Variants in TMEM117 observed in about 807,000 individuals in gnomAD.
TMEM117 encodes the protein transmembrane protein 117.
TMEM117 carries 27 observed loss-of-function variants against 52.4 expected under a neutral mutation model. The observed-to-expected ratio is 0.51, with a 90% CI of 0.38 to 0.71. TMEM117 has a LOEUF of 0.71. Ranked by LOEUF, TMEM117 falls within the 30% of genes least tolerant of loss-of-function variation. The pLI is 0.00. For missense variants in TMEM117, 556 were observed against 630.5 expected (o/e 0.88, Z 1.26); for synonymous variants, 215 against 206.3 (o/e 1.04, Z -0.36).
intron 3 of TMEM117, among the ~76,000 whole-genome samples, chr12:44,020,024 A>G (rs949863147): frequency 6.6e-6 from 1 of 152,206 alleles, no homozygotes; most frequent in African/African-American, 2.4e-5. Flanking sequence ...TAGCATAGGG[A>G]ATGGTTTAGT....
chr12:43,952,628 G>C (rs891091273), intron 3 of TMEM117, among the ~76,000 whole-genome samples: 75 of 152,054 alleles, frequency 4.9e-4, no homozygotes, highest in African/African-American at 1.7e-3. Context: ...AAACCTCCAA[G>C]AATTATGGGA....
chr12:43,997,844 A>T (rs933350719), intron 3 of TMEM117, among the ~76,000 whole-genome samples: 42 of 152,328 alleles, frequency 2.8e-4, no homozygotes, highest in African/African-American at 9.1e-4. Flanking sequence ...ACTGAGCCTC[A>T]GAGAGCTTTT....
the TMEM117 span, chr12:43,797,806 T>C: frequency 6.2e-7 from 1 of 1,613,304 alleles, no homozygotes. Context: ...GTTTGATGCT[T>C]AGTGTCCACA....
At chr12:43,833,716 G>A (rs1458309666), upstream of TMEM117, among the ~76,000 whole-genome samples, 1 of 151,742 alleles carries the variant, frequency 6.6e-6, no homozygotes, top group Non-Finnish European at 1.5e-5. Context: ...TTGAGCCCAG[G>A]AGTTTGAAGT....
Position 44,379,974 on chromosome 12 carries a change from C to T in TMEM117, c.898+3250C>T, listed in dbSNP as rs192040057. ...AAGACAGCTGCATTAGCCACACCTC[C>T]AGAATCTGATGCCTGAGGTATGCAG... is the stretch of plus-strand genomic sequence containing the variant. On this transcript the variant is annotated intron_variant, in intron 7 of 7. Transcript: ENST00000266534. 2.0e-5 allele frequency among the ~76,000 whole-genome samples: 3 copies of T among 152,334 alleles called. No homozygotes were observed. The East Asian group carries it at 5.8e-4, about 29-fold the overall frequency.
chr12:44,153,520 G>A (rs1262356636), intron 4 of TMEM117, among the ~76,000 whole-genome samples: 1 of 151,938 alleles, frequency 6.6e-6, no homozygotes, highest in African/African-American at 2.4e-5. Flanking sequence ...CAGCCAAACT[G>A]TTGATTTTCA....
intron 3 of TMEM117, among the ~76,000 whole-genome samples, chr12:44,135,470 G>A (rs145501455): frequency 6.6e-6 from 1 of 152,274 alleles, no homozygotes; most frequent in South Asian, 2.1e-4. Context: ...CTGCAATAAG[G>A]TTCCTGGGTA....
At chr12:43,928,257 G>T (rs1003742853) in intron 2 of TMEM117, among the ~76,000 whole-genome samples, 6 of 151,378 alleles carry the variant, frequency 4.0e-5, no homozygotes, top group African/African-American at 1.5e-4. Context: ...TCTTTTTTTG[G>T]TTCAACTCCA....
At chr12:44,120,429 A>C (rs545244836) in intron 3 of TMEM117, among the ~76,000 whole-genome samples, 2 of 152,264 alleles carry the variant, frequency 1.3e-5, no homozygotes, top group Non-Finnish European at 2.9e-5. Context: ...TTGGGTATTT[A>C]TCTAGAGGCC....
At chr12:44,171,093 G>A (rs900250886) in intron 4 of TMEM117, among the ~76,000 whole-genome samples, 1 of 145,734 alleles carries the variant, frequency 6.9e-6, no homozygotes, top group African/African-American at 2.6e-5. Flanking sequence ...TCAGCTCACT[G>A]CAAGCTCCAC....
intron 3 of TMEM117, 39 bp downstream of exon 3, chr12:43,944,381 T>C (rs1945095426): frequency 6.4e-7 from 1 of 1,566,480 alleles, no homozygotes; most frequent in Non-Finnish European, 8.7e-7. Flanking sequence ...GTGAGTGTTA[T>C]GTTTGAAACT....
intron 2 of TMEM117, among the ~76,000 whole-genome samples, chr12:43,930,384 C>T (rs1490830066): frequency 6.6e-6 from 1 of 152,126 alleles, no homozygotes; most frequent in Non-Finnish European, 1.5e-5. Context: ...TCCCTCATGT[C>T]CTGATTGCAT....
At chr12:44,029,281 T>C (rs1402116406) in intron 3 of TMEM117, among the ~76,000 whole-genome samples, 5 of 152,176 alleles carry the variant, frequency 3.3e-5, no homozygotes, top group Admixed American at 6.5e-5. Context: ...TAAGTCCTTC[T>C]CGGCTAAGAA....
At chr12:44,395,373 T>C in the TMEM117 span, among the ~76,000 whole-genome samples, 1 of 152,192 alleles carries the variant, frequency 6.6e-6, no homozygotes. Context: ...TGCTGCAATC[T>C]CATATTCTAT....
At chr12:44,286,518 C>T (rs1950641022) in intron 5 of TMEM117, among the ~76,000 whole-genome samples, 1 of 152,048 alleles carries the variant, frequency 6.6e-6, no homozygotes, top group South Asian at 2.1e-4. Context: ...TTGTCTAAAC[C>T]TAATACCACT....
At chr12:44,367,283 C>T (rs1951801793) in intron 6 of TMEM117, among the ~76,000 whole-genome samples, 1 of 152,086 alleles carries the variant, frequency 6.6e-6, no homozygotes, top group South Asian at 2.1e-4. Context: ...TCCCCAATGT[C>T]GGCTTCCTCA....
At chr12:44,336,575 G>A (rs1366033992) in intron 6 of TMEM117, among the ~76,000 whole-genome samples, 1 of 151,928 alleles carries the variant, frequency 6.6e-6, no homozygotes, top group Admixed American at 6.6e-5. Flanking sequence ...GATCCGTGGT[G>A]ATTAATGAAG....
chr12:44,171,054 C>T (rs1265197576), intron 4 of TMEM117, among the ~76,000 whole-genome samples: 8 of 139,928 alleles, frequency 5.7e-5, no homozygotes, highest in South Asian at 2.2e-4. Flanking sequence ...CTCGCTCTGT[C>T]GCCCAGGCTG....
At chr12:43,897,648 C>T (rs1351448130) in intron 2 of TMEM117, among the ~76,000 whole-genome samples, 1 of 152,076 alleles carries the variant, frequency 6.6e-6, no homozygotes, top group Non-Finnish European at 1.5e-5. Context: ...TGCTCTGTTT[C>T]CCAGGCTGGA....
Sources: gnomAD v4.1 joint callset for allele counts (sites outside exome capture counted in the v4.1 genomes callset) on GRCh38, gnomAD v4.1.1 for gene constraint, MANE v1.5 for transcripts, NCBI Gene and HGNC (gene_info 2026-07-23, HGNC 2026-07-21) for gene names.